Variants in SNTG1 observed in about 807,000 individuals in gnomAD.
SNTG1 encodes the protein gamma-1-syntrophin.
SNTG1 carries 39 observed loss-of-function variants against 74.7 expected under a neutral mutation model. The ratio of observed to expected loss-of-function variants is 0.52; its 90% CI spans 0.40 to 0.68. SNTG1 has a LOEUF of 0.68. SNTG1 is among the 30% of genes least tolerant of loss of function. SNTG1 has a pLI of 0.00. For synonymous variants in SNTG1, 254 were observed against 217.1 expected (o/e 1.17, Z -1.49); for missense variants, 685 against 609.5 (o/e 1.12, Z -1.30).
chr8:50,380,297 G>C (rs529694191), intron 2 of SNTG1, among the ~76,000 whole-genome samples: 2 of 152,242 alleles, frequency 1.3e-5, no homozygotes, highest in African/African-American at 2.4e-5. Flanking sequence ...TTGGAGAGAG[G>C]ACCAATTAAT....
intron 13 of SNTG1, among the ~76,000 whole-genome samples, chr8:50,650,994 C>A (rs2095141880): frequency 6.6e-6 from 1 of 152,102 alleles, no homozygotes; most frequent in Non-Finnish European, 1.5e-5. Flanking sequence ...AGCCACTGCG[C>A]CTGGCCTCTC....
intron 2 of SNTG1, among the ~76,000 whole-genome samples, chr8:50,318,983 A>G (rs2090424600): frequency 6.6e-6 from 1 of 151,792 alleles, no homozygotes; most frequent in South Asian, 2.1e-4. Flanking sequence ...ATATATATGT[A>G]TGTATATGTA....
At chr8:49,981,889 T>C (rs940286579) in intron 1 of SNTG1, among the ~76,000 whole-genome samples, 1 of 152,148 alleles carries the variant, frequency 6.6e-6, no homozygotes, top group Non-Finnish European at 1.5e-5. Flanking sequence ...ATAAAAAATA[T>C]TTTAAAAGTT....
chr8:50,495,438 T>C (rs1001899676), intron 8 of SNTG1, among the ~76,000 whole-genome samples: 4 of 151,790 alleles, frequency 2.6e-5, no homozygotes, highest in South Asian at 4.2e-4. Context: ...AGATGAGAGC[T>C]GATGTGACTC....
chr8:50,771,837 G>A (rs1457538832), intron 18 of SNTG1, among the ~76,000 whole-genome samples: 1 of 152,038 alleles, frequency 6.6e-6, no homozygotes, highest in East Asian at 1.9e-4. Flanking sequence ...TGGCTCAAGT[G>A]GCCCCAAGTA....
chr8:50,619,731 G>GAAAAAA (rs780234473), intron 13 of SNTG1, among the ~76,000 whole-genome samples: 1 of 63,838 alleles, frequency 1.6e-5, no homozygotes, highest in Non-Finnish European at 3.2e-5. Context: ...ACTCCGTCTC[G>GAAAAAA]AAAAAAAAAA....
rs908642835 is a variant in SNTG1, at chr8:50,570,600, A to G, written c.810+17421A>G. Among the ~76,000 whole-genome samples the G allele has an allele frequency of 1.2e-3, 161 of 131,126 alleles. 1 individual carries two copies. The highest frequency in any genetic ancestry group is 1.8e-3 in the Non-Finnish European group (110 of 62,520). The allele number at this position is 131,126 out of a possible 152,430, so 86.0% of individuals were successfully genotyped here. Reference sequence around the variant, plus strand: ...TATTATTATTATTGTTGTTATTATTATTATTATTATTATTATTATTATTTA... The same window carrying G: ...TATTATTATTATTGTTGTTATTATTGTTATTATTATTATTATTATTATTTA... On this transcript the variant is annotated intron_variant, in intron 12 of 18. Coordinates refer to ENST00000642720, the MANE Select transcript of SNTG1 (RefSeq NM_018967.5).
chr8:50,492,400 T>A (rs572336522), intron 8 of SNTG1, among the ~76,000 whole-genome samples: 44 of 152,330 alleles, frequency 2.9e-4, no homozygotes, highest in Non-Finnish European at 5.0e-4. Flanking sequence ...CTCCGGCATC[T>A]GTTGTTTCCT....
chr8:50,619,758 A>G (rs1041914431), intron 13 of SNTG1, among the ~76,000 whole-genome samples: 1 of 150,724 alleles, frequency 6.6e-6, no homozygotes. Flanking sequence ...AAAGAAAGAT[A>G]CATGGTTCCC....
At chr8:50,049,148 G>A (rs532820030) in intron 1 of SNTG1, among the ~76,000 whole-genome samples, 5 of 151,912 alleles carry the variant, frequency 3.3e-5, no homozygotes, top group South Asian at 2.1e-4. Flanking sequence ...TAGCAAATAC[G>A]CTATACATTA....
At chr8:50,354,935 T>A (rs978250544) in intron 2 of SNTG1, among the ~76,000 whole-genome samples, 2 of 152,170 alleles carry the variant, frequency 1.3e-5, no homozygotes, top group African/African-American at 4.8e-5. Context: ...ACAAATTTGA[T>A]ACTACTAAAT....
chr8:50,395,506 G>GGTTTTTTTTTTTTTT lies in SNTG1; in HGVS notation c.27+1241_27+1242insGTTTTTTTTTTTTTT, dbSNP rs58030144. Among the ~76,000 whole-genome samples the GGTTTTTTTTTTTTTT allele has an allele frequency of 2.9e-5, 4 of 135,656 alleles. 2 individuals carry two copies. The allele number at this position is 135,656 out of a possible 152,430, so 89.0% of individuals were successfully genotyped here. On this transcript the variant is annotated intron_variant, in intron 3 of 18. Transcript: ENST00000642720. ...TTTAAATTTTAATTGTCTAATTTCT[G>GGTTTTTTTTTTTTTT]TTTTTTTTTTTTTTTTTAATGGAGT...
chr8:50,316,703 T>C (rs2090329910), intron 2 of SNTG1, among the ~76,000 whole-genome samples: 1 of 152,138 alleles, frequency 6.6e-6, no homozygotes, highest in Admixed American at 6.5e-5. Context: ...GTAATTCTAA[T>C]CTAGATAAGT....
intron 3 of SNTG1, among the ~76,000 whole-genome samples, chr8:50,395,699 G>T (rs1183164476): frequency 1.3e-5 from 2 of 151,930 alleles, no homozygotes; most frequent in East Asian, 3.9e-4. Flanking sequence ...TTGTATTAGA[G>T]ACGAGGTTTC....
intron 11 of SNTG1, among the ~76,000 whole-genome samples, chr8:50,551,507 G>A (rs974494797): frequency 2.6e-5 from 4 of 152,040 alleles, no homozygotes; most frequent in African/African-American, 9.7e-5. Context: ...ATGAAGCAAT[G>A]GTTATAACCA....
At chr8:49,979,921 G>A (rs575637879) in intron 1 of SNTG1, among the ~76,000 whole-genome samples, 14 of 152,360 alleles carry the variant, frequency 9.2e-5, no homozygotes, top group Admixed American at 3.9e-4. Flanking sequence ...CCTGGTGAAA[G>A]AGCTTGCTGT....
chr8:50,586,087 G>A, intron 12 of SNTG1, among the ~76,000 whole-genome samples: 1 of 152,144 alleles, frequency 6.6e-6, no homozygotes, highest in East Asian at 1.9e-4. Context: ...TTTGGCACCT[G>A]AGTGTGCAAA....
At chr8:50,233,171 C>G (rs2085716668) in intron 2 of SNTG1, among the ~76,000 whole-genome samples, 1 of 151,484 alleles carries the variant, frequency 6.6e-6, no homozygotes, top group East Asian at 1.9e-4. Flanking sequence ...GATAACAGTA[C>G]ACAGTTATCA....
At chr8:49,924,796 A>G (rs1806868290) in intron 1 of SNTG1, among the ~76,000 whole-genome samples, 1 of 151,840 alleles carries the variant, frequency 6.6e-6, no homozygotes, top group African/African-American at 2.4e-5. Context: ...AGAAGAGGCA[A>G]GTTGTAAGTC....
Sources: allele counts gnomAD v4.1 joint callset (sites outside exome capture counted in the v4.1 genomes callset), GRCh38; gene constraint gnomAD v4.1.1; transcripts MANE v1.5; gene names NCBI Gene and HGNC (gene_info 2026-07-23, HGNC 2026-07-21).